WNK2: variants seen among roughly 807,000 people sequenced by gnomAD.
WNK2 encodes the protein WNK lysine deficient protein kinase 2, also known as serine/threonine-protein kinase WNK2.
WNK2 carries 67 observed loss-of-function variants against 192.1 expected under a neutral mutation model. That is an observed-to-expected ratio of 0.35 (90% confidence interval 0.29 to 0.43). WNK2 has a LOEUF of 0.43. WNK2 is among the 20% of genes least tolerant of loss of function. WNK2 has a pLI of 1.00. For synonymous variants in WNK2, 1,439 were observed against 1,393.9 expected (o/e 1.03, Z -0.72); for missense variants, 2,698 against 3,089.7 (o/e 0.87, Z 3.01).
Position 93,287,097 on chromosome 9 carries a change from G to A in WNK2, c.4034-1691G>A, listed in dbSNP as rs76398883. ...CTAGAGCTTTGCCACACAACATAGT[G>A]CCTATAGTTAACAATAGAGTATCAT... On this transcript the variant is annotated intron_variant, in intron 19 of 29. Coordinates refer to ENST00000427277, the MANE Select transcript of WNK2 (RefSeq NM_006648.4). Among the ~76,000 whole-genome samples, 1,509 of 152,240 alleles carry A rather than the reference G, an allele frequency of 9.9e-3. 28 individuals are homozygous for A. The highest frequency in any genetic ancestry group is 0.049 in the East Asian group (253 of 5,188).
rs752519116 is a variant in WNK2, at chr9:93,317,604, G to A, written c.6601G>A (p.Ala2201Thr). 66 of 1,612,808 alleles carry A rather than the reference G, an allele frequency of 4.1e-5. No homozygotes were observed. The highest frequency in any genetic ancestry group is 1.6e-4 in the Middle Eastern group (1 of 6,084). Residue 2201 changes from alanine to threonine, a missense_variant, in exon 29 of 30, where the codon GCC becomes ACC. This residue lies in a region of WNK2 where 167 missense variants were observed against 184.2 expected (regional missense o/e 0.91). Transcript: ENST00000427277. ...PLSTTVIPGA[A>T]PTLSVPTPDP... ...GTCCACCACGGTCATTCCCGGAGCC[G>A]CCCCGACCCTGTCCGTGCCCACACC... is the stretch of plus-strand genomic sequence containing the variant.
intron 2 of WNK2, among the ~76,000 whole-genome samples, chr9:93,223,010 G>C (rs1423784540): frequency 6.6e-6 from 1 of 152,172 alleles, no homozygotes; most frequent in Non-Finnish European, 1.5e-5. Context: ...TCATGAATTA[G>C]AAAAAACACA....
At chr9:93,317,716 G>C in intron 29 of WNK2, 85 bp downstream of exon 29, 1 of 1,521,398 alleles carries the variant, frequency 6.6e-7, no homozygotes. Context: ...CCAGTGTCCT[G>C]GGGGCCCTGG....
At position 93,306,618 on chromosome 9, in the gene WNK2, G is replaced by T; in HGVS notation, c.6215-159G>T. On this transcript the variant is annotated intron_variant, in intron 26 of 29. Transcript: ENST00000427277. ...AGCCTGCACCCTCTCTCCAGGGGCT[G>T]CCCCGTTTCCCCCGGCCGGGTCGGC... 5 of 889,772 alleles carry T rather than the reference G, an allele frequency of 5.6e-6. 1 individual carries two copies. The highest frequency in any genetic ancestry group is 5.8e-4 in the Middle Eastern group (2 of 3,450). 55.1% of individuals were successfully genotyped at this position (889,772 alleles called of 1,614,324 possible). A position where few individuals can be genotyped will look rare whatever the true frequency, so the allele number is the denominator to read the frequency against.
At position 93,308,504 on chromosome 9, in the gene WNK2, C is replaced by A; in HGVS notation, c.6436C>A (p.Leu2146Ile). The A allele has an allele frequency of 6.2e-7, 1 of 1,607,380 alleles. No individual in the cohort carries two copies. Among genetic ancestry groups the A allele is most frequent in the Non-Finnish European group, 8.5e-7 (1 of 1,177,628 alleles). Residue 2146 changes from leucine to isoleucine, a missense_variant, in exon 28 of 30, where the codon CTC becomes ATC. Transcript: ENST00000427277. ...GGGGGCCGCGCAGCTGAAGCCCACG[C>A]TCAACCAGCTGAAGCAGACCCAGAA... ...TVGAAQLKPT[L>I]NQLKQTQKLQ... is the part of the protein sequence containing the mutation.
intron 7 of WNK2, among the ~76,000 whole-genome samples, chr9:93,242,569 G>A (rs1236164728): frequency 2.0e-5 from 3 of 152,258 alleles, no homozygotes; most frequent in Non-Finnish European, 2.9e-5. Context: ...ATTGCAAATA[G>A]CAAGTGCCGA....
At chr9:93,274,623 G>A (rs1846504699) in intron 19 of WNK2, among the ~76,000 whole-genome samples, 1 of 151,620 alleles carries the variant, frequency 6.6e-6, no homozygotes, top group Admixed American at 6.6e-5. Flanking sequence ...TACTGCAATA[G>A]TCTGAACAAG....
chr9:93,231,194 G>T, intron 4 of WNK2, 86 bp downstream of exon 4: 1 of 1,358,568 alleles, frequency 7.4e-7, no homozygotes, highest in Non-Finnish European at 1.0e-6. Context: ...GTTTTGTTCA[G>T]ACCTGGTGCA....
chr9:93,284,991 C>T (rs1406434930), intron 19 of WNK2, among the ~76,000 whole-genome samples: 1 of 152,198 alleles, frequency 6.6e-6, no homozygotes, highest in Non-Finnish European at 1.5e-5. Context: ...ACATAGTAGA[C>T]ACGCAGAGCT....
intron 19 of WNK2, among the ~76,000 whole-genome samples, chr9:93,281,730 A>C (rs56715950): frequency 0.028 from 4,212 of 152,238 alleles, 185 homozygotes; most frequent in African/African-American, 0.096. Context: ...TAAAGTGCTG[A>C]AAATCAAAGG....
At chr9:93,240,876 C>T (rs1196071254) in intron 7 of WNK2, among the ~76,000 whole-genome samples, 1 of 152,196 alleles carries the variant, frequency 6.6e-6, no homozygotes, top group East Asian at 1.9e-4. Context: ...TCCTACTGGC[C>T]ACATTTCAAG....
At chr9:93,262,184 C>A in intron 13 of WNK2, 77 bp downstream of exon 13, 1 of 1,476,422 alleles carries the variant, frequency 6.8e-7, no homozygotes, top group South Asian at 1.4e-5. Context: ...GACCTGGGGT[C>A]TTAGTCCTAG....
At chr9:93,284,602 G>C (rs907353993) in intron 19 of WNK2, among the ~76,000 whole-genome samples, 1 of 151,612 alleles carries the variant, frequency 6.6e-6, no homozygotes, top group Non-Finnish European at 1.5e-5. Flanking sequence ...GCAGGGGAGC[G>C]GGGGGTGGGC....
At chr9:93,251,428 T>A (rs2132612505) in intron 8 of WNK2, among the ~76,000 whole-genome samples, 2 of 152,240 alleles carry the variant, frequency 1.3e-5, no homozygotes, top group East Asian at 3.9e-4. Flanking sequence ...ATATTCACTT[T>A]AAATATGTAA....
chr9:93,230,805 C>A, intron 3 of WNK2, 83 bp from the exon 4 acceptor site: 1 of 1,253,122 alleles, frequency 8.0e-7, no homozygotes, highest in Non-Finnish European at 1.1e-6. Flanking sequence ...TTGTACCAGG[C>A]CTAAGCAGTG....
intron 2 of WNK2, among the ~76,000 whole-genome samples, chr9:93,186,739 C>T (rs559716137): frequency 5.9e-4 from 90 of 152,338 alleles, no homozygotes; most frequent in African/African-American, 1.9e-3. Context: ...CTGGATAATT[C>T]GGTGGGTGTC....
intron 13 of WNK2, 93 bp downstream of exon 13, chr9:93,262,200 G>A (rs889550482): frequency 7.0e-6 from 10 of 1,434,994 alleles, no homozygotes; most frequent in South Asian, 1.5e-5. Context: ...CCTAGAGGTC[G>A]GGGTTGCTTA....
intron 2 of WNK2, among the ~76,000 whole-genome samples, chr9:93,189,793 C>CGTTTGG (rs1829999274): frequency 2.0e-5 from 3 of 152,240 alleles, no homozygotes; most frequent in Non-Finnish European, 4.4e-5. Context: ...AGCCTTAGGC[C>CGTTTGG]AGGGTTTGGG....
In WNK2 at chr9:93,252,932, G is replaced by T. The variant is rs780636320; in HGVS notation, c.1884G>T (p.Ser628=). Residue 628 remains serine (S), a synonymous_variant, in exon 9 of 30, where the codon TCG becomes TCT. Transcript: ENST00000427277. ...AGGGCTCTACCGTGTACTCAGACTC[G>T]CAGAGCAGCCAGCAGAGCGTGATGC... ...SGQGSTVYSD[S]QSSQQSVMLG... 1.9e-6 allele frequency: 3 copies of T among 1,572,856 alleles called. No homozygotes were observed. The highest frequency in any genetic ancestry group is 2.6e-6 in the Non-Finnish European group (3 of 1,160,808).
Sources: allele counts gnomAD v4.1 joint callset (sites outside exome capture counted in the v4.1 genomes callset), GRCh38; gene constraint gnomAD v4.1.1; regional missense constraint gnomAD v4.1.1; transcripts MANE v1.5; gene names NCBI Gene and HGNC (gene_info 2026-07-23, HGNC 2026-07-21).